Variants in DLG2 observed in about 807,000 individuals in gnomAD.
DLG2 encodes the protein disks large homolog 2.
In DLG2, 45 loss-of-function variants were observed where a neutral mutation model predicts 132.5. The ratio of observed to expected loss-of-function variants is 0.34; its 90% CI spans 0.27 to 0.44. The LOEUF is 0.44. Ranked by LOEUF, DLG2 falls within the 20% of genes least tolerant of loss-of-function variation. The pLI, the probability that DLG2 is intolerant of heterozygous loss-of-function variation, is 1.00. For synonymous variants in DLG2, 424 were observed against 419.6 expected, an observed-to-expected ratio of 1.01 and a Z score of -0.13; for missense variants, 1,045 against 1,196.9, an observed-to-expected ratio of 0.87 and a Z score of 1.87.
intron 6 of DLG2, among the ~76,000 whole-genome samples, chr11:84,711,457 G>C (rs2060444150): frequency 7.7e-6 from 1 of 130,228 alleles, no homozygotes; most frequent in Non-Finnish European, 1.5e-5. Flanking sequence ...CATTATCACG[G>C]AGGTTTTGTC....
At chr11:84,485,513 G>A (rs1179724228) in intron 7 of DLG2, among the ~76,000 whole-genome samples, 2 of 152,126 alleles carry the variant, frequency 1.3e-5, no homozygotes, top group Non-Finnish European at 2.9e-5. Context: ...TAGTCAATAT[G>A]TATGGCTCTC....
chr11:83,873,513 G>A (rs1173880793), intron 16 of DLG2, among the ~76,000 whole-genome samples: 2 of 152,180 alleles, frequency 1.3e-5, no homozygotes, highest in African/African-American at 4.8e-5. Context: ...TTGCTGCCAT[G>A]TAAGAAGTGC....
intron 26 of DLG2, among the ~76,000 whole-genome samples, chr11:83,466,447 A>G (rs2091054965): frequency 6.6e-6 from 1 of 152,224 alleles, no homozygotes; most frequent in Admixed American, 6.5e-5. Context: ...AAAACAATAA[A>G]AATCAGGAAA....
At chr11:84,193,500 A>C (rs1346247710) in intron 8 of DLG2, among the ~76,000 whole-genome samples, 3 of 152,168 alleles carry the variant, frequency 2.0e-5, no homozygotes, top group African/African-American at 7.2e-5. Context: ...AATAATGGAG[A>C]AGTGTTCATT....
intron 6 of DLG2, among the ~76,000 whole-genome samples, chr11:84,950,946 T>A (rs2050836286): frequency 6.6e-6 from 1 of 152,236 alleles, no homozygotes; most frequent in Non-Finnish European, 1.5e-5. Context: ...AATTATTTAC[T>A]TTAAATCTAT....
intron 3 of DLG2, among the ~76,000 whole-genome samples, chr11:85,382,637 A>G (rs1565408060): frequency 6.6e-6 from 1 of 152,090 alleles, no homozygotes; most frequent in Non-Finnish European, 1.5e-5. Context: ...AACTATTACA[A>G]CTCAACAACA....
intron 19 of DLG2, among the ~76,000 whole-genome samples, chr11:83,614,317 C>T (rs747573415): frequency 1.3e-5 from 2 of 152,050 alleles, no homozygotes; most frequent in Non-Finnish European, 2.9e-5. Context: ...AGTTTGAGGT[C>T]GAGTATGTGA....
At chr11:85,521,408 T>G (rs1252853242) in intron 3 of DLG2, among the ~76,000 whole-genome samples, 1 of 152,224 alleles carries the variant, frequency 6.6e-6, no homozygotes, top group Non-Finnish European at 1.5e-5. Context: ...TCCCCAGCCA[T>G]GTGGAACTGT....
intron 4 of DLG2, among the ~76,000 whole-genome samples, chr11:85,192,786 T>G (rs146212123): frequency 1.7e-3 from 259 of 152,310 alleles, no homozygotes; most frequent in African/African-American, 6.0e-3. Context: ...AGTGCCTATC[T>G]TTTTATATTC....
chr11:85,130,770 C>G (rs2075637613), intron 5 of DLG2, among the ~76,000 whole-genome samples: 1 of 152,088 alleles, frequency 6.6e-6, no homozygotes, highest in Non-Finnish European at 1.5e-5. Flanking sequence ...GAAAGTAGAG[C>G]AAGGGCATCC....
chr11:84,008,013 T>C (rs1201717502), intron 11 of DLG2, among the ~76,000 whole-genome samples: 1 of 151,846 alleles, frequency 6.6e-6, no homozygotes, highest in Non-Finnish European at 1.5e-5. Flanking sequence ...CATTTACATT[T>C]ATTTAAATTT....
At chr11:84,901,627 A>C (rs942927272) in intron 6 of DLG2, among the ~76,000 whole-genome samples, 10 of 152,202 alleles carry the variant, frequency 6.6e-5, no homozygotes, top group Non-Finnish European at 1.5e-5. Context: ...GTTAACTATA[A>C]TTTTATATTT....
At chr11:83,488,706 T>TGAGC (rs2093669559) in intron 21 of DLG2, among the ~76,000 whole-genome samples, 1 of 152,050 alleles carries the variant, frequency 6.6e-6, no homozygotes. Flanking sequence ...AAATTTATAC[T>TGAGC]GAGCTCAGAT....
At chr11:83,904,145 G>C (rs1027466178) in intron 15 of DLG2, among the ~76,000 whole-genome samples, 1 of 152,148 alleles carries the variant, frequency 6.6e-6, no homozygotes, top group South Asian at 2.1e-4. Context: ...ACTAAAGGGT[G>C]GGTAGTGTAT....
intron 17 of DLG2, among the ~76,000 whole-genome samples, chr11:83,828,641 T>A (rs2053587569): frequency 6.6e-6 from 1 of 152,180 alleles, no homozygotes. Flanking sequence ...AAACACACTT[T>A]GGGAAATGCC....
intron 6 of DLG2, among the ~76,000 whole-genome samples, chr11:84,652,130 T>C (rs995345966): frequency 2.0e-5 from 3 of 152,180 alleles, no homozygotes; most frequent in African/African-American, 7.2e-5. Context: ...TTTGAATACA[T>C]GAAGAATGTT....
intron 6 of DLG2, among the ~76,000 whole-genome samples, chr11:84,735,482 T>C (rs1425767062): frequency 3.9e-5 from 6 of 152,180 alleles, no homozygotes; most frequent in Non-Finnish European, 7.4e-5. Context: ...TCGGTGGTGA[T>C]ATCCCTTTTA....
intron 6 of DLG2, among the ~76,000 whole-genome samples, chr11:84,795,627 C>G (rs1411476868): frequency 1.3e-5 from 2 of 152,130 alleles, no homozygotes; most frequent in Non-Finnish European, 2.9e-5. Context: ...GCTGAAAGAG[C>G]TGTAACACAA....
chr11:84,944,540 A>G (rs1170224477), intron 6 of DLG2, among the ~76,000 whole-genome samples: 1 of 151,048 alleles, frequency 6.6e-6, no homozygotes, highest in African/African-American at 2.4e-5. Flanking sequence ...TGTTCAATAT[A>G]TCAATTGAAT....
Sources: gnomAD v4.1 joint callset for allele counts (sites outside exome capture counted in the v4.1 genomes callset) on GRCh38, gnomAD v4.1.1 for gene constraint, MANE v1.5 for transcripts, NCBI Gene and HGNC (gene_info 2026-07-23, HGNC 2026-07-21) for gene names.